The following CDRT15L2 variants were observed in gnomAD, a reference collection of about 807,000 sequenced individuals.
The protein encoded by CDRT15L2 is CMT1A duplicated region transcript 15 protein-like protein.
Under a neutral mutation model 21.5 loss-of-function variants are expected in CDRT15L2, and 13 were observed. That is an observed-to-expected ratio of 0.60 (90% CI 0.39 to 0.96). The LOEUF is 0.96. Among genes scored for constraint, CDRT15L2 ranks in the 40% least tolerant of loss-of-function variants. The pLI, the probability that CDRT15L2 is intolerant of heterozygous loss-of-function variation, is 0.00. For missense variants in CDRT15L2, 292 were observed against 354.8 expected (o/e 0.82, Z 1.42); for synonymous variants, 121 against 144.9 (o/e 0.84, Z 1.18).
chr17:20,579,907 C>T lies in CDRT15L2; in HGVS notation c.164C>T (p.Ala55Val). 5 of 1,604,082 alleles carry T rather than the reference C, an allele frequency of 3.1e-6. No homozygotes were observed. The highest frequency in any genetic ancestry group is 4.3e-6 in the Non-Finnish European group (5 of 1,175,200). The change falls in exon 1 of 2, where the codon GCC becomes GTC. Residue 55 changes from alanine to valine, a missense_variant. By Grantham distance (64) the Ala-to-Val change is moderately conservative. Transcript: ENST00000399044. ...TQVPQDSPGQ[A>V]LAGQATPEIP... ...GTACCACAGGACAGCCCGGGGCAGGCCCTAGCTGGCCAGGCCACACCAGAG... is the reference window on the plus strand; with the variant it reads ...GTACCACAGGACAGCCCGGGGCAGGTCCTAGCTGGCCAGGCCACACCAGAG...
chr17:20,579,751 C>T lies in CDRT15L2; in HGVS notation c.8C>T (p.Ser3Phe). MF[S>F]CCFPTSRGCC... is the part of the protein sequence containing the mutation. The stretch of plus-strand genomic sequence containing the variant: ...GACGCTCAAGAGAGCAAGATGTTCT[C>T]CTGTTGCTTCCCCACTTCGAGAGGT... Residue 3 changes from serine (S) to phenylalanine (F), a missense_variant, in exon 1 of 2, where the codon TCC (serine) becomes TTC (phenylalanine). Ser to Phe is a radical substitution (Grantham distance 155). Transcript: ENST00000399044. 1.9e-6 allele frequency: 3 copies of T among 1,603,604 alleles called. No individual in the cohort carries two copies. Among genetic ancestry groups the T allele is most frequent in the Non-Finnish European group, 2.6e-6 (3 of 1,176,102 alleles).
In CDRT15L2 at chr17:20,580,168, CAT is replaced by C; in HGVS notation, c.287_288del (p.Ile96SerfsTer40). On this transcript the variant is annotated frameshift_variant, in exon 2 of 2. Transcript: ENST00000399044. LOFTEE classifies it high-confidence loss of function. ...TTTCAGCTCCTGGTCCGTACGCAGA[CAT>C]AGCAGCACTTGCGGCACCGGCTGTC... ...QTHAPGPYAD[I>X]AALAAPAVEP... 6.7e-7 allele frequency: 1 copy of C among 1,484,950 alleles called. No individual in the cohort carries two copies. The highest frequency in any genetic ancestry group is 9.0e-7 in the Non-Finnish European group (1 of 1,115,834). 92.0% of individuals were successfully genotyped at this position (1,484,950 alleles called of 1,614,324 possible).
chr17:20,580,730 C>G lies in CDRT15L2; in HGVS notation c.*1C>G. 6.4e-7 allele frequency: 1 copy of G among 1,560,548 alleles called. No individual in the cohort carries two copies. Among genetic ancestry groups the G allele is most frequent in the South Asian group, 1.2e-5 (1 of 84,430 alleles). On this transcript the variant is annotated 3_prime_UTR_variant, in exon 2 of 2. Transcript: ENST00000399044. ...TGTGCTGCCCCGAACGGGCTCTTAA[C>G]AGGTGGGCAGGGGTTGAGGGGACCA...
In CDRT15L2 at chr17:20,580,752, A is replaced by AC. The variant is rs2043289164; in HGVS notation, c.*25dup. The stretch of plus-strand genomic sequence containing the variant: ...TAACAGGTGGGCAGGGGTTGAGGGG[A>AC]CCAGGAGGTGGCTCCAAAGGGTACA... On this transcript the variant is annotated 3_prime_UTR_variant, in exon 2 of 2. Coordinates refer to ENST00000399044, the MANE Select transcript of CDRT15L2 (RefSeq NM_001190790.2). 6.5e-7 allele frequency: 1 copy of AC among 1,527,958 alleles called. No individual in the cohort carries two copies. The highest frequency in any genetic ancestry group is 2.0e-5 in the Admixed American group (1 of 49,006). The allele number at this position is 1,527,958 out of a possible 1,614,324, so 94.7% of individuals were successfully genotyped here.
At position 20,580,534 on chromosome 17, in the gene CDRT15L2, G is replaced by C. The variant is rs1446101331; in HGVS notation, c.651G>C (p.Leu217=). ...AGTTALLLQG[L]FIVLILVGYI... ...CCACAGCCCTGCTGCTGCAGGGCCT[G>C]TTTATTGTGCTAATTCTGGTGGGGT... The change falls in exon 2 of 2, where the codon CTG becomes CTC. Residue 217 remains leucine, a synonymous_variant. Coordinates refer to ENST00000399044, the MANE Select transcript of CDRT15L2 (RefSeq NM_001190790.2). The C allele has an allele frequency of 6.4e-7, 1 of 1,550,964 alleles. No individual in the cohort carries two copies. The highest frequency in any genetic ancestry group is 8.7e-7 in the Non-Finnish European group (1 of 1,147,010).
chr17:20,580,157 C>G lies in CDRT15L2; in HGVS notation c.274C>G (p.Pro92Ala), dbSNP rs546590517. The G allele has an allele frequency of 6.7e-7, 1 of 1,491,598 alleles. No homozygotes were observed. Among genetic ancestry groups the G allele is most frequent in the East Asian group, 2.5e-5 (1 of 40,512 alleles). The allele number at this position is 1,491,598 out of a possible 1,614,324, so 92.4% of individuals were successfully genotyped here. A position where few individuals can be genotyped will look rare whatever the true frequency, so the allele number is the denominator to read the frequency against. Reference protein sequence around the residue: ...PMEAQTHAPGPYADIAALAAP... With the variant: ...PMEAQTHAPGAYADIAALAAP... ...CCTTTCTCCTTTTTCAGCTCCTGGT[C>G]CGTACGCAGACATAGCAGCACTTGC... The change falls in exon 2 of 2, where the codon CCG becomes GCG. Residue 92 changes from proline to alanine, a missense_variant. Pro to Ala is a conservative substitution (Grantham distance 27, BLOSUM62 -1). Transcript: ENST00000399044.
chr17:20,580,795 A>G lies in CDRT15L2; in HGVS notation c.*66A>G. The G allele has an allele frequency of 8.7e-7, 1 of 1,154,610 alleles. No homozygotes were observed. The highest frequency in any genetic ancestry group is 1.6e-5 in the South Asian group (1 of 63,638). 71.5% of individuals were successfully genotyped at this position (1,154,610 alleles called of 1,614,324 possible). A position where few individuals can be genotyped will look rare whatever the true frequency, so the allele number is the denominator to read the frequency against. On this transcript the variant is annotated 3_prime_UTR_variant, in exon 2 of 2. Coordinates refer to ENST00000399044, the MANE Select transcript of CDRT15L2 (RefSeq NM_001190790.2). ...AGGGTACAGCAAGGAAAGCTTTTAAAGACAGCTGTTGTGCTCCAGGCTCTC... is the reference window on the plus strand; with the variant it reads ...AGGGTACAGCAAGGAAAGCTTTTAAGGACAGCTGTTGTGCTCCAGGCTCTC...
chr17:20,580,128 T>C (rs2043284035), intron 1 of CDRT15L2, 21 bp from the exon 2 acceptor site: 1 of 1,471,854 alleles, frequency 6.8e-7, no homozygotes, highest in Non-Finnish European at 9.0e-7. Context: ...CTGATGCTGG[T>C]GACCCTTTCT....
In CDRT15L2 at chr17:20,580,236, C is replaced by A. The variant is rs548860276; in HGVS notation, c.353C>A (p.Ala118Glu). The change falls in exon 2 of 2, where the codon GCG (alanine) becomes GAG (glutamate). Residue 118 changes from alanine (A) to glutamate (E), a missense_variant. Transcript: ENST00000399044. ...TGGGAAGAGCCCCCTCCAGAGAGAG[C>A]GCTGGAGGTGGAGGGAGCTCCAGCC... Reference protein sequence around the residue: ...PAWEEPPPERALEVEGAPAKD... With the variant: ...PAWEEPPPERELEVEGAPAKD... 10 of 1,472,594 alleles carry A rather than the reference C, an allele frequency of 6.8e-6. No homozygotes were observed. In the African/African-American group the frequency reaches 1.4e-4, roughly 21 times the overall value. 91.2% of individuals were successfully genotyped at this position (1,472,594 alleles called of 1,614,324 possible).
At position 20,579,957 on chromosome 17, in the gene CDRT15L2, A is replaced by C; in HGVS notation, c.214A>C (p.Ile72Leu). ...GATCCCATCGGGGCTGCCTCTGCACATTGTCCTTGTCCAGGAGGAGATTCG... is the reference window on the plus strand; with the variant it reads ...GATCCCATCGGGGCTGCCTCTGCACCTTGTCCTTGTCCAGGAGGAGATTCG... Reference protein sequence around the residue: ...PEIPSGLPLHIVLVQEEIREP... With the variant: ...PEIPSGLPLHLVLVQEEIREP... Residue 72 changes from isoleucine to leucine, a missense_variant, in exon 1 of 2, where the codon ATT becomes CTT. Transcript: ENST00000399044. 3 of 1,578,412 alleles carry C rather than the reference A, an allele frequency of 1.9e-6. No homozygotes were observed. The highest frequency in any genetic ancestry group is 2.6e-6 in the Non-Finnish European group (3 of 1,161,458).
rs993562656 is a variant in CDRT15L2, at chr17:20,580,398, C to G, written c.515C>G (p.Ser172Cys). Reference sequence around the variant, plus strand: ...ACAAGCACAGCCCCAGCCAGCAGATCCCATGCTGCCCCTAGTCCTGGGCAT... The same window carrying G: ...ACAAGCACAGCCCCAGCCAGCAGATGCCATGCTGCCCCTAGTCCTGGGCAT... ...GVTSTAPASRSHAAPSPGHGG... is the reference protein window; with the variant it reads ...GVTSTAPASRCHAAPSPGHGG... The change falls in exon 2 of 2, where the codon TCC becomes TGC. Residue 172 changes from serine (S) to cysteine (C), a missense_variant. By Grantham distance (112) the Ser-to-Cys change is moderately radical. Coordinates refer to ENST00000399044, the MANE Select transcript of CDRT15L2 (RefSeq NM_001190790.2). 3.9e-6 allele frequency: 6 copies of G among 1,522,740 alleles called. No homozygotes were observed. Among genetic ancestry groups the G allele is most frequent in the African/African-American group, 2.8e-5 (2 of 72,126 alleles). 94.3% of individuals were successfully genotyped at this position (1,522,740 alleles called of 1,614,324 possible). A position where few individuals can be genotyped will look rare whatever the true frequency, so the allele number is the denominator to read the frequency against.
chr17:20,580,151 C>T lies in CDRT15L2; in HGVS notation c.268C>T (p.Pro90Ser). The stretch of plus-strand genomic sequence containing the variant: ...GGTGACCCTTTCTCCTTTTTCAGCT[C>T]CTGGTCCGTACGCAGACATAGCAGC... The part of the protein sequence containing the change: ...REPMEAQTHA[P>S]GPYADIAALA... The change falls in exon 2 of 2, where the codon CCT (proline) becomes TCT (serine). Residue 90 changes from proline to serine, a missense_variant and splice_region_variant. Pro to Ser is a moderately conservative substitution (Grantham distance 74). Coordinates refer to ENST00000399044, the MANE Select transcript of CDRT15L2 (RefSeq NM_001190790.2). 3.4e-6 allele frequency: 5 copies of T among 1,483,574 alleles called. No individual in the cohort carries two copies. Among genetic ancestry groups the T allele is most frequent in the East Asian group, 2.5e-5 (1 of 40,436 alleles). The allele number at this position is 1,483,574 out of a possible 1,614,324, so 91.9% of individuals were successfully genotyped here. A position where few individuals can be genotyped will look rare whatever the true frequency, so the allele number is the denominator to read the frequency against.
In CDRT15L2 at chr17:20,580,551, TG is replaced by T. The variant is rs1567684921; in HGVS notation, c.670del (p.Val224TrpfsTer6). ...CAGGGCCTGTTTATTGTGCTAATTC[TG>T]GTGGGGTATATCTCTGTGAAGGTGA... ...LLQGLFIVLI[L>X]VGYISVKVML... On this transcript the variant is annotated frameshift_variant, in exon 2 of 2. Transcript: ENST00000399044. LOFTEE classifies it high-confidence loss of function. The T allele has an allele frequency of 3.2e-6, 5 of 1,550,944 alleles. No homozygotes were observed. In the Admixed American group the frequency reaches 9.8e-5, roughly 30 times the overall value.
In CDRT15L2 at chr17:20,580,253, GC is replaced by G. The variant is rs2043285322; in HGVS notation, c.371del (p.Ala124ValfsTer19). ...PPERALEVEG[A>X]PAKDQPSQEL... Reference sequence around the variant, plus strand: ...AGAGAGAGCGCTGGAGGTGGAGGGAGCTCCAGCCAAGGACCAGCCCAGCCAG... The same window carrying G: ...AGAGAGAGCGCTGGAGGTGGAGGGAGTCCAGCCAAGGACCAGCCCAGCCAG... On this transcript the variant is annotated frameshift_variant, in exon 2 of 2. Transcript: ENST00000399044. LOFTEE classifies it high-confidence loss of function. 6.8e-7 allele frequency: 1 copy of G among 1,475,828 alleles called. No individual in the cohort carries two copies. The highest frequency in any genetic ancestry group is 9.0e-7 in the Non-Finnish European group (1 of 1,111,840). The allele number at this position is 1,475,828 out of a possible 1,614,324, so 91.4% of individuals were successfully genotyped here.
Position 20,580,654 on chromosome 17 carries a change from C to T in CDRT15L2, c.771C>T (p.Leu257=). The T allele has an allele frequency of 1.3e-6, 2 of 1,555,946 alleles. No individual in the cohort carries two copies. Among genetic ancestry groups the T allele is most frequent in the South Asian group, 2.4e-5 (2 of 84,284 alleles). The part of the protein sequence containing the change: ...APPALRRNLL[L]QAWKCVCNWA... ...CTGCTCTCAGACGCAATCTTCTCCTCCAGGCATGGAAGTGTGTCTGCAACT... is the reference window on the plus strand; with the variant it reads ...CTGCTCTCAGACGCAATCTTCTCCTTCAGGCATGGAAGTGTGTCTGCAACT... The change falls in exon 2 of 2, where the codon CTC becomes CTT. Residue 257 remains leucine (L), a synonymous_variant. Coordinates refer to ENST00000399044, the MANE Select transcript of CDRT15L2 (RefSeq NM_001190790.2).
At position 20,580,558 on chromosome 17, in the gene CDRT15L2, G is replaced by T. The variant is rs753892895; in HGVS notation, c.675G>T (p.Gly225=). The T allele has an allele frequency of 1.4e-5, 22 of 1,551,120 alleles. No individual in the cohort carries two copies. The South Asian group carries it at 2.3e-4, about 16-fold the overall frequency. ...TGTTTATTGTGCTAATTCTGGTGGGGTATATCTCTGTGAAGGTGATGCTCA... is the reference window on the plus strand; with the variant it reads ...TGTTTATTGTGCTAATTCTGGTGGGTTATATCTCTGTGAAGGTGATGCTCA... The part of the protein sequence containing the change: ...QGLFIVLILV[G]YISVKVMLKS... The change falls in exon 2 of 2, where the codon GGG becomes GGT. Residue 225 remains glycine (G), a synonymous_variant. Transcript: ENST00000399044.
rs1207852348 is a variant in CDRT15L2, at chr17:20,580,581, T to C, written c.698T>C (p.Leu233Pro). Reference sequence around the variant, plus strand: ...GGGTATATCTCTGTGAAGGTGATGCTCAAGAGCATTAAAACAAGGCTGGGA... The same window carrying C: ...GGGTATATCTCTGTGAAGGTGATGCCCAAGAGCATTAAAACAAGGCTGGGA... ...LVGYISVKVMLKSIKTRLGRR... is the reference protein window; with the variant it reads ...LVGYISVKVMPKSIKTRLGRR... The change falls in exon 2 of 2, where the codon CTC (leucine) becomes CCC (proline). Residue 233 changes from leucine to proline, a missense_variant. Coordinates refer to ENST00000399044, the MANE Select transcript of CDRT15L2 (RefSeq NM_001190790.2). 16 of 1,551,370 alleles carry C rather than the reference T, an allele frequency of 1.0e-5. No homozygotes were observed. Among genetic ancestry groups the C allele is most frequent in the Non-Finnish European group, 1.4e-5 (16 of 1,147,038 alleles).
chr17:20,580,259 G>C lies in CDRT15L2; in HGVS notation c.376G>C (p.Ala126Pro), dbSNP rs1262206647. The change falls in exon 2 of 2, where the codon GCC becomes CCC. Residue 126 changes from alanine (A) to proline (P), a missense_variant. Physicochemically the swap from Ala to Pro is conservative, Grantham distance 27. Transcript: ENST00000399044. ...ERALEVEGAP[A>P]KDQPSQELPE... is the part of the protein sequence containing the mutation. ...AGCGCTGGAGGTGGAGGGAGCTCCA[G>C]CCAAGGACCAGCCCAGCCAGGAGCT... The C allele has an allele frequency of 6.8e-7, 1 of 1,478,712 alleles. No individual in the cohort carries two copies. Among genetic ancestry groups the C allele is most frequent in the Non-Finnish European group, 9.0e-7 (1 of 1,112,548 alleles). The allele number at this position is 1,478,712 out of a possible 1,614,324, so 91.6% of individuals were successfully genotyped here.
At chr17:20,580,124 C>G in intron 1 of CDRT15L2, 25 bp from the exon 2 acceptor site, 1 of 1,471,356 alleles carries the variant, frequency 6.8e-7, no homozygotes. Flanking sequence ...GTGACTGATG[C>G]TGGTGACCCT....
Sources: allele counts gnomAD v4.1 joint callset, GRCh38; gene constraint gnomAD v4.1.1; transcripts MANE v1.5; gene names NCBI Gene and HGNC (gene_info 2026-07-23, HGNC 2026-07-21).